The following MMP26 variants were observed in gnomAD, a reference collection of about 807,000 sequenced individuals.
MMP26 encodes matrix metalloproteinase-26.
MMP26 carries 33 observed loss-of-function variants against 31.0 expected under a neutral mutation model. The ratio of observed to expected loss-of-function variants is 1.06; its 90% confidence interval spans 0.81 to 1.42. The LOEUF (loss-of-function observed/expected upper bound fraction) is 1.42, where lower values mean the gene tolerates loss of function less well. MMP26 is among the 40% of genes most tolerant of loss of function. The pLI is 0.00. For missense variants in MMP26, 347 were observed against 316.1 expected (o/e 1.10, Z -0.74); for synonymous variants, 122 against 114.9 (o/e 1.06, Z -0.40).
At chr11:4,924,487 T>TAATA in intron 2 of MMP26, 1 of 779,256 alleles carries the variant, frequency 1.3e-6, no homozygotes, top group Non-Finnish European at 2.0e-6. Context: ...GGGTGGGGGC[T>TAATA]GATCTATTAG....
intron 2 of MMP26, among the ~76,000 whole-genome samples, chr11:4,814,835 A>G (rs112918194): frequency 0.027 from 4,177 of 152,336 alleles, 88 homozygotes; most frequent in Non-Finnish European, 0.039. Context: ...TTCTGCATAT[A>G]GTTGTGAACC....
chr11:4,897,665 A>AT lies in MMP26; in HGVS notation c.-144-90393dup, dbSNP rs912558503. Among the ~76,000 whole-genome samples, 155 of 147,770 alleles carry AT rather than the reference A, an allele frequency of 1.0e-3. 1 individual carries two copies. The highest frequency in any genetic ancestry group is 3.5e-3 in the Middle Eastern group (1 of 286). The stretch of plus-strand genomic sequence containing the variant: ...TGGCTTCTTAGCTATACTTGTTTGT[A>AT]TTTTTTTTTTCAAAACAGAGTTGAT... On this transcript the variant is annotated intron_variant, in intron 2 of 7. Transcript: ENST00000380390.
At chr11:4,981,405 T>G (rs1156388174) in intron 2 of MMP26, among the ~76,000 whole-genome samples, 1 of 152,174 alleles carries the variant, frequency 6.6e-6, no homozygotes, top group East Asian at 1.9e-4. Flanking sequence ...TGCAGCATGC[T>G]ATTGTACTAA....
At chr11:4,924,437 G>T in intron 2 of MMP26, 1 of 1,283,396 alleles carries the variant, frequency 7.8e-7, no homozygotes, top group Non-Finnish European at 1.1e-6. Context: ...CCCAAGATCA[G>T]CCAGTAAGGA....
intron 2 of MMP26, among the ~76,000 whole-genome samples, chr11:4,820,592 C>G (rs1589910880): frequency 1.3e-5 from 2 of 151,890 alleles, no homozygotes; most frequent in East Asian, 3.9e-4. Flanking sequence ...CCTTTGTGCT[C>G]TTACCTGCCT....
intron 2 of MMP26, among the ~76,000 whole-genome samples, chr11:4,894,386 T>G (rs959611421): frequency 6.6e-6 from 1 of 152,146 alleles, no homozygotes; most frequent in African/African-American, 2.4e-5. Flanking sequence ...TTGCTTCCTA[T>G]CTCATGTTAA....
chr11:4,890,850 A>C (rs1472297008), intron 2 of MMP26, among the ~76,000 whole-genome samples: 1 of 152,014 alleles, frequency 6.6e-6, no homozygotes, highest in Admixed American at 6.6e-5. Context: ...GCTTACCCAC[A>C]TAAAGAGCAG....
chr11:4,908,404 G>T (rs1361321684), intron 2 of MMP26: 1 of 1,016,436 alleles, frequency 9.8e-7, no homozygotes, highest in South Asian at 1.3e-5. Flanking sequence ...TGAAGGACTG[G>T]ATGATGGAAG....
At chr11:4,734,635 A>T (rs4495889) in intron 1 of MMP26, among the ~76,000 whole-genome samples, 1 of 151,302 alleles carries the variant, frequency 6.6e-6, no homozygotes, top group Non-Finnish European at 1.5e-5. Context: ...GATTTTTTTT[A>T]TGACCCGTGG....
chr11:4,727,666 C>T (rs930963109), intron 1 of MMP26, among the ~76,000 whole-genome samples: 1 of 152,022 alleles, frequency 6.6e-6, no homozygotes, highest in Non-Finnish European at 1.5e-5. Flanking sequence ...AAAAATCAGT[C>T]AGGCATGGTG....
intron 2 of MMP26, among the ~76,000 whole-genome samples, chr11:4,861,207 C>T (rs1353684439): frequency 6.7e-6 from 1 of 149,590 alleles, no homozygotes; most frequent in East Asian, 1.9e-4. Flanking sequence ...TAGATACATA[C>T]AGTTTCCAAG....
At chr11:4,794,250 C>T (rs1221235645) in intron 2 of MMP26, 1 of 152,156 alleles carries the variant, frequency 6.6e-6, no homozygotes, top group Non-Finnish European at 1.5e-5. Context: ...ATTCACAGTA[C>T]ACTCTGTGTC....
intron 2 of MMP26, among the ~76,000 whole-genome samples, chr11:4,825,898 A>C (rs1325527973): frequency 6.6e-6 from 1 of 152,188 alleles, no homozygotes; most frequent in East Asian, 1.9e-4. Context: ...GGGTTCAATC[A>C]AAAGACAGAA....
intron 2 of MMP26, among the ~76,000 whole-genome samples, chr11:4,903,327 T>C (rs1397601168): frequency 6.6e-6 from 1 of 152,102 alleles, no homozygotes; most frequent in Non-Finnish European, 1.5e-5. Context: ...TACAAATAAG[T>C]GGAATGACTG....
chr11:4,933,426 A>G lies in MMP26; in HGVS notation c.-144-54642A>G, dbSNP rs1250908137. Among the ~76,000 whole-genome samples the G allele has an allele frequency of 2.0e-5, 3 of 152,094 alleles. No individual in the cohort carries two copies. The East Asian group carries it at 5.8e-4, about 29-fold the overall frequency. ...GGTTATATATGCAAAAACAACACCT[A>G]TGACTCTGGGATTACAAGGCAATTT... is the stretch of plus-strand genomic sequence containing the variant. On this transcript the variant is annotated intron_variant, in intron 2 of 7. Transcript: ENST00000380390.
intron 2 of MMP26, among the ~76,000 whole-genome samples, chr11:4,862,166 C>G (rs17250577): frequency 0.27 from 41,418 of 152,130 alleles, 6,853 homozygotes; most frequent in South Asian, 0.39. Context: ...TTCCAAATAT[C>G]CATAGTAGCT....
chr11:4,821,627 C>T (rs774019371), intron 2 of MMP26: 2 of 1,614,006 alleles, frequency 1.2e-6, no homozygotes, highest in South Asian at 2.2e-5. Context: ...TCTATGCTTT[C>T]AGCCACAGAC....
chr11:4,798,389 C>T (rs1433906), intron 2 of MMP26, among the ~76,000 whole-genome samples: 10,724 of 152,256 alleles, frequency 0.07, 757 homozygotes, highest in African/African-American at 0.19. Flanking sequence ...CTTCAGCCTT[C>T]GGCTTTATCA....
intron 2 of MMP26, among the ~76,000 whole-genome samples, chr11:4,819,216 A>G (rs1414723039): frequency 6.6e-6 from 1 of 152,248 alleles, no homozygotes; most frequent in Non-Finnish European, 1.5e-5. Flanking sequence ...TTATCTTCAG[A>G]CATGGAACCT....
Sources: allele counts gnomAD v4.1 joint callset (sites outside exome capture counted in the v4.1 genomes callset), GRCh38; gene constraint gnomAD v4.1.1; transcripts MANE v1.5; gene names NCBI Gene and HGNC (gene_info 2026-07-23, HGNC 2026-07-21).